MACROD2: variants seen among roughly 807,000 people sequenced by gnomAD.
MACROD2 encodes mono-ADP ribosylhydrolase 2, also known as ADP-ribose glycohydrolase MACROD2.
In MACROD2, 36 loss-of-function variants were observed where a neutral mutation model predicts 70.4. That is an observed-to-expected ratio of 0.51 (90% confidence interval 0.39 to 0.68). The LOEUF (loss-of-function observed/expected upper bound fraction) is 0.68, where lower values mean the gene tolerates loss of function less well. Ranked by LOEUF, MACROD2 falls within the 30% of genes least tolerant of loss-of-function variation. The pLI is 0.00. For missense variants in MACROD2, 496 were observed against 538.4 expected, an observed-to-expected ratio of 0.92 and a Z score of 0.78; for synonymous variants, 172 against 178.8, an observed-to-expected ratio of 0.96 and a Z score of 0.30.
intron 5 of MACROD2, among the ~76,000 whole-genome samples, chr20:15,210,109 G>A (rs62205160): frequency 3.3e-5 from 5 of 152,214 alleles, no homozygotes; most frequent in African/African-American, 7.2e-5. Flanking sequence ...TGAACTCCAC[G>A]TACATTTTCA....
At chr20:14,695,965 G>A (rs75592998) in intron 5 of MACROD2, among the ~76,000 whole-genome samples, 2,521 of 152,270 alleles carry the variant, frequency 0.017, 76 homozygotes, top group African/African-American at 0.057. Context: ...ATAAAGCAGG[G>A]GAAAGGGCTC....
At chr20:13,997,471 A>C (rs2052679117) in intron 1 of MACROD2, among the ~76,000 whole-genome samples, 1 of 152,232 alleles carries the variant, frequency 6.6e-6, no homozygotes, top group South Asian at 2.1e-4. Flanking sequence ...CAGTAACATG[A>C]ATCATTGATG....
chr20:15,241,294 T>C (rs542094683), intron 6 of MACROD2, among the ~76,000 whole-genome samples: 1 of 152,336 alleles, frequency 6.6e-6, no homozygotes, highest in African/African-American at 2.4e-5. Context: ...ACTTGAGATA[T>C]AGCTGCCCTT....
intron 3 of MACROD2, among the ~76,000 whole-genome samples, chr20:14,488,661 T>C (rs2084761386): frequency 6.6e-6 from 1 of 152,156 alleles, no homozygotes; most frequent in African/African-American, 2.4e-5. Context: ...AACATCTAAG[T>C]TGACATATTG....
At chr20:14,933,314 G>A (rs1319432777) in intron 5 of MACROD2, among the ~76,000 whole-genome samples, 1 of 152,170 alleles carries the variant, frequency 6.6e-6, no homozygotes, top group Admixed American at 6.5e-5. Context: ...CTAGCATTGG[G>A]TCTTTCAAAT....
At chr20:14,797,247 G>T (rs550712904) in intron 5 of MACROD2, among the ~76,000 whole-genome samples, 15 of 151,934 alleles carry the variant, frequency 9.9e-5, no homozygotes, top group South Asian at 6.2e-4. Context: ...TTCCTAGACC[G>T]CAGTCAGAAT....
At chr20:14,567,254 A>G (rs1258923203) in intron 4 of MACROD2, among the ~76,000 whole-genome samples, 2 of 152,076 alleles carry the variant, frequency 1.3e-5, no homozygotes, top group Non-Finnish European at 2.9e-5. Context: ...TTAAATATCC[A>G]TCAATAGATG....
intron 5 of MACROD2, among the ~76,000 whole-genome samples, chr20:14,702,142 A>G (rs1834233730): frequency 6.6e-6 from 1 of 151,954 alleles, no homozygotes; most frequent in African/African-American, 2.4e-5. Context: ...TGATGATGCT[A>G]TTTAGAAAGC....
chr20:14,891,616 T>C (rs1454494144), intron 5 of MACROD2, among the ~76,000 whole-genome samples: 2 of 152,194 alleles, frequency 1.3e-5, no homozygotes, highest in African/African-American at 2.4e-5. Context: ...TCCTGCCTTC[T>C]TATATACAAG....
chr20:15,696,591 A>G (rs949736894), intron 8 of MACROD2, among the ~76,000 whole-genome samples: 20 of 149,666 alleles, frequency 1.3e-4, no homozygotes, highest in Middle Eastern at 3.5e-3. Flanking sequence ...TTCTTTCTCT[A>G]TCTTGTGGAA....
chr20:15,113,799 T>TGTGTGTGC (rs1435199929), intron 5 of MACROD2, among the ~76,000 whole-genome samples: 3 of 146,672 alleles, frequency 2.0e-5, no homozygotes, highest in African/African-American at 7.4e-5. Context: ...TGTGTGTGTG[T>TGTGTGTGC]GCTGGAGGGG....
At chr20:14,367,603 T>C (rs1366204804) in intron 3 of MACROD2, among the ~76,000 whole-genome samples, 1 of 152,236 alleles carries the variant, frequency 6.6e-6, no homozygotes, top group Non-Finnish European at 1.5e-5. Flanking sequence ...ATTTAACTTC[T>C]TCTATGATTT....
chr20:14,534,317 G>A lies in MACROD2; in HGVS notation c.301+40809G>A, dbSNP rs1038873903. 3.3e-5 allele frequency among the ~76,000 whole-genome samples: 5 copies of A among 152,214 alleles called. No homozygotes were observed. In the East Asian group the frequency reaches 7.7e-4, roughly 23 times the overall value. Reference sequence around the variant, plus strand: ...ACTTTTCTGGGTCTTGTTGTATTTGGATTTTTATTCTTTGACTCAAGTTTT... The same window carrying A: ...ACTTTTCTGGGTCTTGTTGTATTTGAATTTTTATTCTTTGACTCAAGTTTT... On this transcript the variant is annotated intron_variant, in intron 4 of 17. Transcript: ENST00000684519.
chr20:14,952,798 G>A (rs1207569221), intron 5 of MACROD2, among the ~76,000 whole-genome samples: 1 of 151,984 alleles, frequency 6.6e-6, no homozygotes, highest in Non-Finnish European at 1.5e-5. Flanking sequence ...TTCACAAAGA[G>A]GGAAGTAAAA....
chr20:14,308,851 G>A (rs2082542247), intron 3 of MACROD2, among the ~76,000 whole-genome samples: 1 of 152,118 alleles, frequency 6.6e-6, no homozygotes, highest in African/African-American at 2.4e-5. Context: ...TAAAGATGGA[G>A]GGAGTGGGCA....
At chr20:15,823,661 T>A (rs2063965937) in intron 8 of MACROD2, among the ~76,000 whole-genome samples, 1 of 152,204 alleles carries the variant, frequency 6.6e-6, no homozygotes, top group Non-Finnish European at 1.5e-5. Context: ...TTCACTTAAT[T>A]GGACTTGCAT....
intron 5 of MACROD2, among the ~76,000 whole-genome samples, chr20:14,979,926 G>A (rs2074781829): frequency 6.6e-6 from 1 of 152,018 alleles, no homozygotes; most frequent in Non-Finnish European, 1.5e-5. Context: ...TATAAAATAG[G>A]GATGATAATA....
At chr20:14,528,087 C>A (rs181078778) in intron 4 of MACROD2, among the ~76,000 whole-genome samples, 9 of 150,818 alleles carry the variant, frequency 6.0e-5, no homozygotes, top group Admixed American at 4.6e-4. Context: ...AAAATCTGAC[C>A]TTTAATAAGC....
chr20:15,208,282 ATCTTC>A (rs1372722132), intron 5 of MACROD2, among the ~76,000 whole-genome samples: 2 of 152,014 alleles, frequency 1.3e-5, no homozygotes, highest in African/African-American at 4.8e-5. Context: ...TCTTCTTTAC[ATCTTC>A]TCTTCTTTGC....
Sources: gnomAD v4.1 joint callset for allele counts (sites outside exome capture counted in the v4.1 genomes callset) on GRCh38, gnomAD v4.1.1 for gene constraint, MANE v1.5 for transcripts, NCBI Gene and HGNC (gene_info 2026-07-23, HGNC 2026-07-21) for gene names.